C12orf54: variants seen among roughly 807,000 people sequenced by gnomAD.
C12orf54 encodes the protein uncharacterized protein C12orf54.
A neutral mutation model predicts 26.4 loss-of-function variants in C12orf54; 24 were observed. The observed-to-expected ratio is 0.91, with a 90% CI of 0.66 to 1.28. The LOEUF is 1.28. C12orf54 is among the 50% of genes most tolerant of loss of function. The pLI, the probability that C12orf54 is intolerant of heterozygous loss-of-function variation, is 0.00. For synonymous variants in C12orf54, 54 were observed against 47.0 expected (o/e 1.15, Z -0.61); for missense variants, 154 against 150.9 (o/e 1.02, Z -0.11).
intron 2 of C12orf54, 130 bp from the exon 3 acceptor site, chr12:48,486,048 G>T: frequency 1.2e-6 from 1 of 841,772 alleles, no homozygotes; most frequent in Non-Finnish European, 1.9e-6. Context: ...CAGGACCGTG[G>T]CTACCCTTCC....
chr12:48,481,031 G>A (rs1261459386), upstream of C12orf54, among the ~76,000 whole-genome samples: 1 of 146,974 alleles, frequency 6.8e-6, no homozygotes, highest in Non-Finnish European at 1.5e-5. Flanking sequence ...ACATAAAGAT[G>A]GGAACAATAG....
At chr12:48,493,497 G>A (rs903476293) in intron 7 of C12orf54, among the ~76,000 whole-genome samples, 1 of 151,820 alleles carries the variant, frequency 6.6e-6, no homozygotes, top group African/African-American at 2.4e-5. Flanking sequence ...GTGCATGCCT[G>A]TAGTCCCAGC....
At chr12:48,485,204 G>A (rs980876697) in intron 2 of C12orf54, among the ~76,000 whole-genome samples, 4 of 152,140 alleles carry the variant, frequency 2.6e-5, no homozygotes, top group Non-Finnish European at 5.9e-5. Flanking sequence ...AGCCTCCTGA[G>A]TAAGCTAGGA....
chr12:48,474,791 G>C, the C12orf54 span, among the ~76,000 whole-genome samples: 1 of 152,276 alleles, frequency 6.6e-6, no homozygotes, highest in African/African-American at 2.4e-5. Flanking sequence ...AAGGAGGCCT[G>C]CCTGCCTCTG....
At chr12:48,463,832 C>T in the C12orf54 span, among the ~76,000 whole-genome samples, 1 of 151,972 alleles carries the variant, frequency 6.6e-6, no homozygotes, top group Non-Finnish European at 1.5e-5. Flanking sequence ...ACAAAAAGCA[C>T]GTGATTATCT....
chr12:48,430,325 G>A, the C12orf54 span, among the ~76,000 whole-genome samples: 1 of 152,142 alleles, frequency 6.6e-6, no homozygotes, highest in Admixed American at 6.6e-5. Flanking sequence ...AAACTAAAGA[G>A]CTTTTGCGCA....
In C12orf54 at chr12:48,492,842, C is replaced by G. The variant is rs1001825781; in HGVS notation, c.194-105C>G. 3 of 1,010,706 alleles carry G rather than the reference C, an allele frequency of 3.0e-6. No individual in the cohort carries two copies. The African/African-American group carries it at 4.7e-5, about 16-fold the overall frequency. The allele number at this position is 1,010,706 out of a possible 1,614,324, so 62.6% of individuals were successfully genotyped here. ...TGGTCAGTGTCCCTTCAAGTCTGGACCCTCCCACTTTGACTATACTTCAAA... is the reference window on the plus strand; with the variant it reads ...TGGTCAGTGTCCCTTCAAGTCTGGAGCCTCCCACTTTGACTATACTTCAAA... On this transcript the variant is annotated intron_variant, in intron 6 of 8. Coordinates refer to ENST00000548364, the MANE Select transcript of C12orf54 (RefSeq NM_152319.4).
the C12orf54 span, among the ~76,000 whole-genome samples, chr12:48,477,384 A>G: frequency 3.3e-5 from 5 of 152,250 alleles, no homozygotes; most frequent in African/African-American, 4.8e-5. Flanking sequence ...GAAGGCAAGA[A>G]ATAACAAAGA....
At chr12:48,428,797 A>G in the C12orf54 span, among the ~76,000 whole-genome samples, 1 of 152,082 alleles carries the variant, frequency 6.6e-6, no homozygotes, top group Admixed American at 6.6e-5. Context: ...GAAAGAGGGA[A>G]TCCTCCCTAA....
chr12:48,454,092 GTTTGTTT>G, the C12orf54 span, among the ~76,000 whole-genome samples: 1 of 75,784 alleles, frequency 1.3e-5, no homozygotes, highest in Non-Finnish European at 2.9e-5. Context: ...CTCTTTTTTT[GTTTGTTT>G]TTTTTTTTTT....
chr12:48,479,406 A>G (rs1435184741), upstream of C12orf54, among the ~76,000 whole-genome samples: 1 of 152,156 alleles, frequency 6.6e-6, no homozygotes, highest in Admixed American at 6.5e-5. Flanking sequence ...AGATATACCT[A>G]ATGCTAAATG....
At chr12:48,422,615 C>T in the C12orf54 span, among the ~76,000 whole-genome samples, 56 of 152,046 alleles carry the variant, frequency 3.7e-4, no homozygotes, top group African/African-American at 1.3e-3. Flanking sequence ...TACTCATTCA[C>T]AATGGCAAAA....
the C12orf54 span, chr12:48,473,220 A>G: frequency 4.3e-5 from 52 of 1,219,988 alleles, no homozygotes; most frequent in Admixed American, 9.5e-4. Context: ...TGCTCAGGTA[A>G]TGGAAGATGA....
At chr12:48,488,308 C>T in intron 4 of C12orf54, 3 of 547,778 alleles carry the variant, frequency 5.5e-6, no homozygotes, top group South Asian at 1.7e-5. Flanking sequence ...AGAGGGGAAG[C>T]CAACAGAGAT....
chr12:48,424,467 A>G, the C12orf54 span, among the ~76,000 whole-genome samples: 1 of 152,080 alleles, frequency 6.6e-6, no homozygotes, highest in Non-Finnish European at 1.5e-5. Flanking sequence ...CCGGACCTGG[A>G]GTTGTCTTCA....
intron 3 of C12orf54, 110 bp from the exon 4 acceptor site, chr12:48,486,578 C>A: frequency 8.5e-7 from 1 of 1,171,278 alleles, no homozygotes; most frequent in South Asian, 1.4e-5. Flanking sequence ...TTTTGGGTGT[C>A]CAGCTCAATT....
chr12:48,469,621 A>T, the C12orf54 span, among the ~76,000 whole-genome samples: 1 of 152,244 alleles, frequency 6.6e-6, no homozygotes, highest in Non-Finnish European at 1.5e-5. Context: ...TAAGAGATTA[A>T]AGTAAAGACA....
At chr12:48,447,212 C>CTGTGTGTGTG in the C12orf54 span, among the ~76,000 whole-genome samples, 35 of 91,072 alleles carry the variant, frequency 3.8e-4, no homozygotes, top group East Asian at 2.5e-3. Context: ...CTCTCTTACT[C>CTGTGTGTGTG]TGTGTGTGTG....
the C12orf54 span, among the ~76,000 whole-genome samples, chr12:48,423,073 G>A: frequency 2.6e-5 from 4 of 152,076 alleles, no homozygotes; most frequent in Admixed American, 2.0e-4. Flanking sequence ...TGTCAGAGGT[G>A]GCTGTGTATT....
Sources: allele counts gnomAD v4.1 joint callset (sites outside exome capture counted in the v4.1 genomes callset), GRCh38; gene constraint gnomAD v4.1.1; transcripts MANE v1.5; gene names NCBI Gene and HGNC (gene_info 2026-07-23, HGNC 2026-07-21).